Variants in DOP1B observed in about 807,000 individuals in gnomAD.
DOP1B encodes the protein protein DOP1B.
A neutral mutation model predicts 233.5 loss-of-function variants in DOP1B; 174 were observed. The ratio of observed to expected loss-of-function variants is 0.75; its 90% CI spans 0.66 to 0.85. The LOEUF (loss-of-function observed/expected upper bound fraction) is 0.85, where lower values mean the gene tolerates loss of function less well. Among genes scored for constraint, DOP1B ranks in the 40% least tolerant of loss-of-function variants. DOP1B has a pLI of 0.00. For synonymous variants in DOP1B, 1,190 were observed against 1,185.6 expected, an observed-to-expected ratio of 1.00 and a Z score of -0.08; for missense variants, 2,652 against 2,846.6, an observed-to-expected ratio of 0.93 and a Z score of 1.56.
At position 36,192,849 on chromosome 21, in the gene DOP1B, G is replaced by A. The variant is rs571849684; in HGVS notation, c.139-6221G>A. Among the ~76,000 whole-genome samples the A allele has an allele frequency of 5.1e-4, 74 of 144,790 alleles. No homozygotes were observed. In the South Asian group the frequency reaches 7.7e-3, roughly 15 times the overall value. The allele number at this position is 144,790 out of a possible 152,430, so 95.0% of individuals were successfully genotyped here. A position where few individuals can be genotyped will look rare whatever the true frequency, so the allele number is the denominator to read the frequency against. ...ACTACAGGCGCCCGCCACCACGCCC[G>A]GCTAATTTTTTGTATTTTTTTAGTG... On this transcript the variant is annotated intron_variant, in intron 2 of 36. Transcript: ENST00000691173.
In DOP1B at chr21:36,184,020, C is replaced by T. The variant is rs572940147; in HGVS notation, c.139-15050C>T. Among the ~76,000 whole-genome samples the T allele has an allele frequency of 3.9e-5, 6 of 151,964 alleles. No individual in the cohort carries two copies. The East Asian group carries it at 7.7e-4, about 20-fold the overall frequency. On this transcript the variant is annotated intron_variant, in intron 2 of 36. Transcript: ENST00000691173. ...CTGGGACTACAGGTGCGTGCCACCA[C>T]GCCTGGTTAATTTTTGTTTTTTGCT... is the stretch of plus-strand genomic sequence containing the variant.
chr21:36,226,507 CAAGCTGGT>C (rs1309437026), intron 12 of DOP1B, among the ~76,000 whole-genome samples: 1 of 152,090 alleles, frequency 6.6e-6, no homozygotes, highest in East Asian at 1.9e-4. Context: ...CCATATTGGC[CAAGCTGGT>C]CTTGAACTCC....
intron 35 of DOP1B, among the ~76,000 whole-genome samples, chr21:36,291,136 C>T (rs931012835): frequency 1.3e-5 from 2 of 150,844 alleles, no homozygotes; most frequent in South Asian, 2.1e-4. Flanking sequence ...TTGGTGGGCA[C>T]CTGTAATCCC....
intron 15 of DOP1B, among the ~76,000 whole-genome samples, chr21:36,235,868 G>GA (rs1555893496): frequency 1.4e-5 from 2 of 147,708 alleles, no homozygotes; most frequent in African/African-American, 2.5e-5. Flanking sequence ...GAAGTCGGGG[G>GA]GGGGGCGGTC....
At chr21:36,216,985 G>A (rs998659242) in intron 9 of DOP1B, among the ~76,000 whole-genome samples, 1 of 147,608 alleles carries the variant, frequency 6.8e-6, no homozygotes, top group Non-Finnish European at 1.5e-5. Flanking sequence ...TGAGGCACAA[G>A]AATCACTTGA....
At chr21:36,234,444 G>A (rs1289518371) in intron 15 of DOP1B, among the ~76,000 whole-genome samples, 2 of 152,158 alleles carry the variant, frequency 1.3e-5, no homozygotes, top group African/African-American at 2.4e-5. Context: ...TTTTGGGGCA[G>A]TGAGGGAAGC....
At chr21:36,168,526 A>G (rs1025840446) in intron 2 of DOP1B, among the ~76,000 whole-genome samples, 2 of 151,042 alleles carry the variant, frequency 1.3e-5, no homozygotes, top group African/African-American at 4.9e-5. Flanking sequence ...CCTCACCAAT[A>G]CTTATTTTCA....
At chr21:36,160,916 C>G (rs1290517351) in intron 1 of DOP1B, among the ~76,000 whole-genome samples, 1 of 152,214 alleles carries the variant, frequency 6.6e-6, no homozygotes, top group Non-Finnish European at 1.5e-5. Context: ...TGCAAACATG[C>G]AGGCAACAGG....
intron 15 of DOP1B, 66 bp from the exon 16 acceptor site, chr21:36,237,196 G>A: frequency 6.2e-7 from 1 of 1,602,324 alleles, no homozygotes; most frequent in South Asian, 1.1e-5. Context: ...CTGACTGAGT[G>A]AGGATGTGAG....
At chr21:36,239,326 C>A (rs984328883) in intron 17 of DOP1B, among the ~76,000 whole-genome samples, 3 of 152,206 alleles carry the variant, frequency 2.0e-5, no homozygotes, top group African/African-American at 7.2e-5. Context: ...TGGCCTAGAC[C>A]TCCCCTGGAG....
At chr21:36,255,659 T>C (rs2067087407) in intron 23 of DOP1B, among the ~76,000 whole-genome samples, 1 of 151,052 alleles carries the variant, frequency 6.6e-6, no homozygotes, top group East Asian at 2.0e-4. Flanking sequence ...CTGGAACTCC[T>C]AGGCTCAAGC....
intron 13 of DOP1B, 109 bp downstream of exon 13, chr21:36,227,986 A>G: frequency 8.9e-7 from 1 of 1,122,998 alleles, no homozygotes; most frequent in Non-Finnish European, 1.2e-6. Context: ...AGATGAGAAG[A>G]TACCCAGGTG....
At chr21:36,276,214 A>AATATCCAG (rs1014850453) in intron 27 of DOP1B, among the ~76,000 whole-genome samples, 1 of 152,056 alleles carries the variant, frequency 6.6e-6, no homozygotes, top group African/African-American at 2.4e-5. Flanking sequence ...ATTTGATCAA[A>AATATCCAG]ATATCCAGAT....
chr21:36,157,125 C>T (rs2065826769), intron 1 of DOP1B, among the ~76,000 whole-genome samples, 182 bp downstream of exon 1: 1 of 152,072 alleles, frequency 6.6e-6, no homozygotes, highest in Non-Finnish European at 1.5e-5. Context: ...GCCTGCGGCG[C>T]GCTCTGCTGC....
chr21:36,237,347 A>C lies in DOP1B; in HGVS notation c.2708A>C (p.His903Pro). Residue 903 changes from histidine to proline, a missense_variant, in exon 16 of 37, where the codon CAC (histidine) becomes CCC (proline). Physicochemically the swap from His to Pro is moderately conservative, Grantham distance 77 (BLOSUM62 -2). Transcript: ENST00000691173. ...VTCVELFYRL[H>P]CLAPTANICE... ...TGCGTAGAATTGTTCTACCGGCTGC[A>C]CTGCCTGGCCCCTACGGCCAACATC... The C allele has an allele frequency of 6.2e-7, 1 of 1,614,182 alleles. No individual in the cohort carries two copies.
chr21:36,170,420 A>C, intron 2 of DOP1B: 1 of 186,018 alleles, frequency 5.4e-6, no homozygotes, highest in Non-Finnish European at 1.1e-5. Context: ...ACATGGTGAA[A>C]CCCCATCTCT....
In DOP1B at chr21:36,253,838, C is replaced by T; in HGVS notation, c.5188C>T (p.Gln1730Ter). ...CTTGGTGTGTGCACTCAGCACCCTG[C>T]AGACTGACACGCTGCTGCACCTGGT... ...VDLVCALSTL[Q>*]TDTLLHLVKE... Residue 1730 changes from glutamine (Q) to a stop codon, truncating the protein, a stop_gained, in exon 23 of 37, where the codon CAG becomes TAG. Coordinates refer to ENST00000691173, the MANE Select transcript of DOP1B (RefSeq NM_001320714.2). LOFTEE classifies it high-confidence loss of function. The T allele has an allele frequency of 6.2e-7, 1 of 1,614,042 alleles. No homozygotes were observed. The highest frequency in any genetic ancestry group is 8.5e-7 in the Non-Finnish European group (1 of 1,180,018).
At chr21:36,213,231 A>G (rs1008103416) in intron 7 of DOP1B, among the ~76,000 whole-genome samples, 2 of 152,182 alleles carry the variant, frequency 1.3e-5, no homozygotes, top group African/African-American at 4.8e-5. Context: ...AAGGATTTGT[A>G]TGTAAAGGAT....
rs2066760177 is a variant in DOP1B at position 36,231,125 on chromosome 21, C to T, written c.2341C>T (p.Gln781Ter). Residue 781 changes from glutamine (Q) to a stop codon, truncating the protein, a stop_gained, in exon 14 of 37, where the codon CAG becomes TAG. Coordinates refer to ENST00000691173, the MANE Select transcript of DOP1B (RefSeq NM_001320714.2). LOFTEE classifies it high-confidence loss of function. Reference sequence around the variant, plus strand: ...CGAGCAGCTCTGTGCAACGCTCTTCCAGCTGCCAGGTGAGAGGCAGCCCTG... The same window carrying T: ...CGAGCAGCTCTGTGCAACGCTCTTCTAGCTGCCAGGTGAGAGGCAGCCCTG... ...ETEQLCATLF[Q>*]LPGAGDSSFP... The T allele has an allele frequency of 2.5e-6, 4 of 1,580,070 alleles. No individual in the cohort carries two copies. Among genetic ancestry groups the T allele is most frequent in the Non-Finnish European group, 2.6e-6 (3 of 1,159,418 alleles).
Sources: gnomAD v4.1 joint callset for allele counts (sites outside exome capture counted in the v4.1 genomes callset) on GRCh38, gnomAD v4.1.1 for gene constraint, MANE v1.5 for transcripts, NCBI Gene and HGNC (gene_info 2026-07-23, HGNC 2026-07-21) for gene names.